Variants in JAK2 observed in about 807,000 individuals in gnomAD.
JAK2 encodes the protein tyrosine-protein kinase JAK2.
In JAK2, 86 loss-of-function variants were observed where a neutral mutation model predicts 139.3. The observed-to-expected ratio is 0.62, with a 90% CI of 0.52 to 0.74. The LOEUF (loss-of-function observed/expected upper bound fraction) is 0.74. Among genes scored for constraint, JAK2 ranks in the 30% least tolerant of loss-of-function variants. The probability of loss-of-function intolerance (pLI) is 0.00; values close to 1 mark genes in which losing one functional copy is unlikely to be tolerated. For missense variants in JAK2, 1,421 were observed against 1,360.3 expected (o/e 1.04, Z -0.70); for synonymous variants, 490 against 437.7 (o/e 1.12, Z -1.49).
intron 22 of JAK2, among the ~76,000 whole-genome samples, chr9:5,115,286 T>C (rs1369465675): frequency 2.0e-5 from 3 of 152,182 alleles, no homozygotes; most frequent in African/African-American, 4.8e-5. Context: ...AAGACATTTA[T>C]GTGGCCAACA....
intron 5 of JAK2, 104 bp downstream of exon 5, chr9:5,044,624 T>C (rs1816867147): frequency 1.5e-6 from 1 of 675,516 alleles, no homozygotes; most frequent in Non-Finnish European, 2.5e-6. Flanking sequence ...AAAATTGCAG[T>C]TCTGTCTTGC....
At chr9:5,086,220 C>A (rs145753980) in intron 19 of JAK2, 72 of 600,460 alleles carry the variant, frequency 1.2e-4, no homozygotes, top group Non-Finnish European at 1.4e-4. Context: ...CGCGAGGCCA[C>A]GGTCGGAGTC....
chr9:5,011,080 A>C (rs893693444), intron 2 of JAK2, among the ~76,000 whole-genome samples: 3 of 152,206 alleles, frequency 2.0e-5, no homozygotes, highest in African/African-American at 7.2e-5. Flanking sequence ...TTTGGCTATA[A>C]TGTGACTTAA....
intron 10 of JAK2, among the ~76,000 whole-genome samples, chr9:5,067,898 A>G (rs377292426): frequency 5.3e-5 from 8 of 152,292 alleles, no homozygotes; most frequent in African/African-American, 1.9e-4. Context: ...TCACACCTGT[A>G]ATACCAGCAC....
In JAK2 at chr9:5,081,869, G is replaced by A; in HGVS notation, c.2571+8G>A. On this transcript the variant is annotated splice_region_variant and intron_variant, in intron 19 of 24. Transcript: ENST00000381652. Reference sequence around the variant, plus strand: ...CTACAGCAACTTGGCAAGGTAAATTGTCAGAATTTTTTCAAATAGAGTATA... The same window carrying A: ...CTACAGCAACTTGGCAAGGTAAATTATCAGAATTTTTTCAAATAGAGTATA... 6.2e-7 allele frequency: 1 copy of A among 1,608,712 alleles called. No homozygotes were observed. The highest frequency in any genetic ancestry group is 8.5e-7 in the Non-Finnish European group (1 of 1,176,650).
chr9:5,076,429 C>T (rs1258903374), intron 14 of JAK2, among the ~76,000 whole-genome samples: 1 of 152,116 alleles, frequency 6.6e-6, no homozygotes, highest in Non-Finnish European at 1.5e-5. Flanking sequence ...CAGTCAGCAG[C>T]GATTAACATC....
In JAK2 at chr9:5,087,336, A is replaced by T. The variant is rs189110248; in HGVS notation, c.2572-2338A>T. ...TTACAAAACCATCAGATCTCATGAGAACTATCACGAGAACAGCATGGAGGA... is the reference window on the plus strand; with the variant it reads ...TTACAAAACCATCAGATCTCATGAGTACTATCACGAGAACAGCATGGAGGA... On this transcript the variant is annotated intron_variant, in intron 19 of 24. Coordinates refer to ENST00000381652, the MANE Select transcript of JAK2 (RefSeq NM_004972.4). 2.0e-4 allele frequency among the ~76,000 whole-genome samples: 30 copies of T among 152,292 alleles called. No homozygotes were observed. In the East Asian group the frequency reaches 5.8e-3, roughly 29 times the overall value.
At chr9:5,072,984 G>A (rs777238954) in intron 13 of JAK2, among the ~76,000 whole-genome samples, 1 of 152,096 alleles carries the variant, frequency 6.6e-6, no homozygotes, top group Non-Finnish European at 1.5e-5. Flanking sequence ...AGTTTCAAAG[G>A]CACTGTACTA....
chr9:5,122,120 T>G lies in JAK2; in HGVS notation c.3060-884T>G, dbSNP rs138021636. On this transcript the variant is annotated intron_variant, in intron 22 of 24. Coordinates refer to ENST00000381652, the MANE Select transcript of JAK2 (RefSeq NM_004972.4). ...CCTGGAGTAGGCAGGGAAGGATTTG[T>G]GGAGATTAGGAAACTTAAATGGGAT... Among the ~76,000 whole-genome samples the G allele has an allele frequency of 3.3e-5, 5 of 152,264 alleles. No homozygotes were observed. In the East Asian group the frequency reaches 9.6e-4, roughly 29 times the overall value.
In JAK2 at chr9:5,072,516, T is replaced by G. The variant is rs764634461; in HGVS notation, c.1666T>G (p.Phe556Val). Reference sequence around the variant, plus strand: ...GAATGAAAGCCTTGGCCAAGGCACTTTTACAAAGATTTTTAAAGGCGTACG... The same window carrying G: ...GAATGAAAGCCTTGGCCAAGGCACTGTTACAAAGATTTTTAAAGGCGTACG... ...IFNESLGQGT[F>V]TKIFKGVRRE... Residue 556 changes from phenylalanine (F) to valine (V), a missense_variant, in exon 13 of 25, where the codon TTT (phenylalanine) becomes GTT (valine). By Grantham distance (50) the Phe-to-Val change is conservative (BLOSUM62 -1). Coordinates refer to ENST00000381652, the MANE Select transcript of JAK2 (RefSeq NM_004972.4). 1.4e-5 allele frequency: 22 copies of G among 1,595,862 alleles called. 1 individual carries two copies. Among genetic ancestry groups the G allele is most frequent in the Non-Finnish European group, 1.8e-5 (21 of 1,169,914 alleles).
chr9:4,988,080 A>G (rs1393408179), intron 2 of JAK2, among the ~76,000 whole-genome samples: 3 of 152,154 alleles, frequency 2.0e-5, no homozygotes, highest in Non-Finnish European at 4.4e-5. Flanking sequence ...TGTTGCCCCT[A>G]CCAATTATTG....
At chr9:5,064,790 ATTGTAT>A in intron 8 of JAK2, 87 bp from the exon 9 acceptor site, 1 of 922,676 alleles carries the variant, frequency 1.1e-6, no homozygotes, top group African/African-American at 1.7e-5. Flanking sequence ...TTAGAAGAAA[ATTGTAT>A]TTAACATGGA....
intron 4 of JAK2, among the ~76,000 whole-genome samples, chr9:5,042,425 C>T (rs1816655714): frequency 6.6e-6 from 1 of 152,190 alleles, no homozygotes; most frequent in African/African-American, 2.4e-5. Flanking sequence ...GCGTGAGCCA[C>T]CGCGCCCGGC....
In JAK2 at chr9:5,126,878, T is replaced by C; in HGVS notation, c.*87T>C. 1.5e-6 allele frequency: 1 copy of C among 663,236 alleles called. No homozygotes were observed. Among genetic ancestry groups the C allele is most frequent in the Non-Finnish European group, 2.5e-6 (1 of 397,136 alleles). 41.1% of individuals were successfully genotyped at this position (663,236 alleles called of 1,614,324 possible). A position where few individuals can be genotyped will look rare whatever the true frequency, so the allele number is the denominator to read the frequency against. Reference sequence around the variant, plus strand: ...TTGCTGTGGACTATTATTACATATATCATTATTATATAAATCATGATGCTA... The same window carrying C: ...TTGCTGTGGACTATTATTACATATACCATTATTATATAAATCATGATGCTA... On this transcript the variant is annotated 3_prime_UTR_variant, in exon 25 of 25. Coordinates refer to ENST00000381652, the MANE Select transcript of JAK2 (RefSeq NM_004972.4).
rs550290513 is a variant in JAK2 at position 5,081,941 on chromosome 9, T to C, written c.2571+80T>C. On this transcript the variant is annotated intron_variant, in intron 19 of 24. Transcript: ENST00000381652. The stretch of plus-strand genomic sequence containing the variant: ...TTAAGAGCGTTTCTAAAGTTCACTT[T>C]CTACAACATTTTAAGGAGTGCTTGT... 5.8e-5 allele frequency: 70 copies of C among 1,197,454 alleles called. 2 individuals are homozygous for C. In the South Asian group the frequency reaches 8.9e-4, roughly 15 times the overall value. 74.2% of individuals were successfully genotyped at this position (1,197,454 alleles called of 1,614,324 possible).
At chr9:5,111,618 GC>G in intron 22 of JAK2, 3 of 373,550 alleles carry the variant, frequency 8.0e-6, no homozygotes, top group South Asian at 6.1e-5. Flanking sequence ...GTGGGCTTTG[GC>G]CCCATGCTGG....
intron 22 of JAK2, among the ~76,000 whole-genome samples, chr9:5,120,349 A>C (rs542340403): frequency 9.2e-5 from 14 of 152,374 alleles, no homozygotes; most frequent in South Asian, 8.3e-4. Flanking sequence ...ATTTTGGAGG[A>C]GACACATAGC....
At chr9:4,987,862 A>G (rs1422277105) in intron 2 of JAK2, among the ~76,000 whole-genome samples, 1 of 152,212 alleles carries the variant, frequency 6.6e-6, no homozygotes, top group African/African-American at 2.4e-5. Context: ...CCTGGCTGTC[A>G]TAAAAGTCTT....
chr9:5,111,329 C>G (rs1277093894), intron 22 of JAK2: 2 of 439,178 alleles, frequency 4.6e-6, no homozygotes, highest in Admixed American at 3.0e-5. Context: ...CCCTGTCCCC[C>G]TCAGGCATGA....
Sources: allele counts gnomAD v4.1 joint callset (sites outside exome capture counted in the v4.1 genomes callset), GRCh38; gene constraint gnomAD v4.1.1; transcripts MANE v1.5; gene names NCBI Gene and HGNC (gene_info 2026-07-23, HGNC 2026-07-21).